The following MCM10 variants were observed in gnomAD, a reference collection of about 807,000 sequenced individuals.
MCM10 encodes the protein protein MCM10 homolog.
A neutral mutation model predicts 109.9 loss-of-function variants in MCM10; 91 were observed. The observed-to-expected ratio is 0.83, with a 90% confidence interval of 0.70 to 0.99. MCM10 has a LOEUF of 0.99. MCM10 is among the 50% of genes least tolerant of loss of function. The pLI, the probability that MCM10 is intolerant of heterozygous loss-of-function variation, is 0.00. For missense variants in MCM10, 1,077 were observed against 1,061.2 expected (o/e 1.01, Z -0.21); for synonymous variants, 380 against 387.2 (o/e 0.98, Z 0.22).
At position 13,209,327 on chromosome 10, in the gene MCM10, T is replaced by G. The variant is rs1449644415; in HGVS notation, c.*17T>G. On this transcript the variant is annotated 3_prime_UTR_variant, in exon 20 of 20. Transcript: ENST00000378714. ...CTTAAATAACCCGAACTTCAGACAT[T>G]TTCCCACAGACTTCCTGGCCTCCTG... 6.2e-7 allele frequency: 1 copy of G among 1,602,036 alleles called. No homozygotes were observed. Among genetic ancestry groups the G allele is most frequent in the Non-Finnish European group, 8.5e-7 (1 of 1,170,460 alleles).
chr10:13,188,102 G>A (rs188711845), intron 9 of MCM10, among the ~76,000 whole-genome samples: 3 of 152,108 alleles, frequency 2.0e-5, no homozygotes, highest in Admixed American at 6.5e-5. Flanking sequence ...CCAGGATCAC[G>A]CCACTGCACT....
Position 13,198,782 on chromosome 10 carries a change from C to G in MCM10, c.2213C>G (p.Ser738Ter), listed in dbSNP as rs1834457856. The change falls in exon 16 of 20, where the codon TCA (serine) becomes TGA (stop). Residue 738 changes from serine to a stop codon, truncating the protein, a stop_gained. Transcript: ENST00000378714. LOFTEE classifies it high-confidence loss of function. Reference sequence around the variant, plus strand: ...TTTCAGAAAATCCTAAAAGCAAAATCAAAACACACAGGCATCCTGAAAGAG... The same window carrying G: ...TTTCAGAAAATCCTAAAAGCAAAATGAAAACACACAGGCATCCTGAAAGAG... ...EEFQKILKAK[S>*]KHTGILKEAE... 2 of 1,612,820 alleles carry G rather than the reference C, an allele frequency of 1.2e-6. No individual in the cohort carries two copies. Among genetic ancestry groups the G allele is most frequent in the Non-Finnish European group, 1.7e-6 (2 of 1,179,576 alleles).
chr10:13,207,214 G>A (rs937030681), intron 18 of MCM10, among the ~76,000 whole-genome samples: 4 of 152,168 alleles, frequency 2.6e-5, no homozygotes, highest in South Asian at 4.1e-4. Context: ...GGCTCTGCTG[G>A]TGCAGCCTGA....
At chr10:13,193,407 A>C (rs1180125137) in intron 13 of MCM10, among the ~76,000 whole-genome samples, 2 of 151,262 alleles carry the variant, frequency 1.3e-5, no homozygotes, top group Middle Eastern at 3.2e-3. Flanking sequence ...GTTCACAGGC[A>C]CTTCATACGT....
Position 13,197,482 on chromosome 10 carries a change from A to G in MCM10, c.1975-141A>G, listed in dbSNP as rs1223369640. 7.7e-6 allele frequency: 5 copies of G among 651,014 alleles called. No individual in the cohort carries two copies. In the East Asian group the frequency reaches 1.4e-4, roughly 18 times the overall value. The allele number at this position is 651,014 out of a possible 1,614,324, so 40.3% of individuals were successfully genotyped here. On this transcript the variant is annotated intron_variant, in intron 14 of 19. Transcript: ENST00000378714. ...TCTAGTAATTGTGTTAATAATACTA[A>G]GTAAAATTAAGATATGTTCTGCCAA...
rs768062336 is a variant in MCM10 at position 13,188,900 on chromosome 10, A to G, written c.1235A>G (p.Gln412Arg). The change falls in exon 10 of 20, where the codon CAG becomes CGG. Residue 412 changes from glutamine (Q) to arginine (R), a missense_variant. By Grantham distance (43) the Gln-to-Arg change is conservative. Coordinates refer to ENST00000378714, the MANE Select transcript of MCM10 (RefSeq NM_018518.5). ...TVNLRDCEYC[Q>R]YHVQAQYKKL... The stretch of plus-strand genomic sequence containing the variant: ...TTGCAGCGTGACTGTGAGTACTGTC[A>G]GTACCATGTCCAGGCTCAGTACAAG... 1.9e-6 allele frequency: 3 copies of G among 1,614,164 alleles called. No individual in the cohort carries two copies. The highest frequency in any genetic ancestry group is 1.6e-4 in the Middle Eastern group (1 of 6,062).
chr10:13,203,192 G>C (rs1442277334), intron 17 of MCM10, among the ~76,000 whole-genome samples: 1 of 152,120 alleles, frequency 6.6e-6, no homozygotes, highest in African/African-American at 2.4e-5. Flanking sequence ...AGTCTGTAGG[G>C]CTACAATCAG....
chr10:13,189,376 G>A (rs1156753476), intron 10 of MCM10, among the ~76,000 whole-genome samples: 1 of 151,132 alleles, frequency 6.6e-6, no homozygotes, highest in East Asian at 1.9e-4. Context: ...AGGCTGGAGT[G>A]CAGTGGTGCA....
At position 13,205,182 on chromosome 10, in the gene MCM10, T is replaced by C. The variant is rs182613572; in HGVS notation, c.2498+818T>C. ...TACATTGTACCCATTAAGTAATTTCTCCTCCCTCGCCCCCTCCCACCCTTC... is the reference window on the plus strand; with the variant it reads ...TACATTGTACCCATTAAGTAATTTCCCCTCCCTCGCCCCCTCCCACCCTTC... On this transcript the variant is annotated intron_variant, in intron 18 of 19. Transcript: ENST00000378714. 4.3e-3 allele frequency among the ~76,000 whole-genome samples: 659 copies of C among 152,010 alleles called. 4 individuals are homozygous for C. Among genetic ancestry groups the C allele is most frequent in the Non-Finnish European group, 5.5e-3 (371 of 67,994 alleles).
intron 18 of MCM10, among the ~76,000 whole-genome samples, chr10:13,205,019 T>C (rs1218396973): frequency 9.7e-5 from 2 of 20,722 alleles, no homozygotes; most frequent in Non-Finnish European, 3.4e-4. Context: ...TATATATATA[T>C]ATATATATAT....
At chr10:13,166,601 C>G (rs1309446826) in intron 2 of MCM10, among the ~76,000 whole-genome samples, 2 of 147,580 alleles carry the variant, frequency 1.4e-5, no homozygotes, top group Non-Finnish European at 3.0e-5. Context: ...TGCCATTGCA[C>G]TCCAGCCTGG....
intron 3 of MCM10, 128 bp downstream of exon 3, chr10:13,171,391 AAAG>A: frequency 1.1e-6 from 1 of 911,504 alleles, no homozygotes; most frequent in Non-Finnish European, 1.6e-6. Context: ...AAAAAGAAAA[AAAG>A]AAAGAAAATT....
chr10:13,208,692 CA>C (rs1290576102), intron 18 of MCM10, among the ~76,000 whole-genome samples: 1 of 151,504 alleles, frequency 6.6e-6, no homozygotes, highest in African/African-American at 2.4e-5. Context: ...CTTTTTGCTC[CA>C]AAAAAAAGAG....
At chr10:13,175,856 T>C (rs775716714) in intron 6 of MCM10, among the ~76,000 whole-genome samples, 175 bp downstream of exon 6, 1 of 152,168 alleles carries the variant, frequency 6.6e-6, no homozygotes, top group Non-Finnish European at 1.5e-5. Flanking sequence ...TAAGTACAGT[T>C]GCATATAAAA....
chr10:13,186,705 A>G (rs970503076), intron 9 of MCM10, among the ~76,000 whole-genome samples: 4 of 152,150 alleles, frequency 2.6e-5, no homozygotes, highest in East Asian at 3.9e-4. Context: ...AAAGTAAGCA[A>G]TTCAGGCCAG....
In MCM10 at chr10:13,172,852, C is replaced by G; in HGVS notation, c.592+87C>G. The G allele has an allele frequency of 7.4e-7, 1 of 1,342,438 alleles. No individual in the cohort carries two copies. The highest frequency in any genetic ancestry group is 1.0e-6 in the Non-Finnish European group (1 of 964,874). 83.2% of individuals were successfully genotyped at this position (1,342,438 alleles called of 1,614,324 possible). A position where few individuals can be genotyped will look rare whatever the true frequency, so the allele number is the denominator to read the frequency against. On this transcript the variant is annotated intron_variant, in intron 5 of 19. Coordinates refer to ENST00000378714, the MANE Select transcript of MCM10 (RefSeq NM_018518.5). This position sits in a 1 kb window ranked among gnomAD's most constrained non-coding sequence, Gnocchi z 5.2. ...TTCATGTGTGTGTGGGTGTCTGTGT[C>G]TTTTGGTCTGTCTTATGTCCCCATT...
chr10:13,199,934 C>T (rs889641145), intron 16 of MCM10, among the ~76,000 whole-genome samples: 2 of 152,144 alleles, frequency 1.3e-5, no homozygotes, highest in Non-Finnish European at 2.9e-5. Context: ...AATTCTCATA[C>T]CTCAGCCTCC....
chr10:13,181,537 G>GA (rs1834209311), intron 7 of MCM10, among the ~76,000 whole-genome samples: 1 of 152,134 alleles, frequency 6.6e-6, no homozygotes, highest in Non-Finnish European at 1.5e-5. Context: ...GGAGGGCAGG[G>GA]AGGGGGAGAG....
At chr10:13,178,186 C>T (rs1029789801) in intron 6 of MCM10, among the ~76,000 whole-genome samples, 7 of 152,158 alleles carry the variant, frequency 4.6e-5, no homozygotes, top group Admixed American at 1.3e-4. Flanking sequence ...CTCTGCCTCC[C>T]GAGTTCAAGT....
Sources: allele counts gnomAD v4.1 joint callset (sites outside exome capture counted in the v4.1 genomes callset), GRCh38; gene constraint gnomAD v4.1.1; non-coding constraint Gnocchi (gnomAD v3.1); transcripts MANE v1.5; gene names NCBI Gene and HGNC (gene_info 2026-07-23, HGNC 2026-07-21).